The following DLC1 variants were observed in gnomAD, a reference collection of about 807,000 sequenced individuals.
DLC1 encodes DLC1 Rho GTPase activating protein.
A neutral mutation model predicts 140.3 loss-of-function variants in DLC1; 54 were observed. The observed-to-expected ratio is 0.38, with a 90% CI of 0.31 to 0.48. The LOEUF is 0.48. DLC1 is among the 20% of genes least tolerant of loss of function. DLC1 has a pLI of 0.96. For missense variants in DLC1, 2,536 were observed against 1,907.0 expected, an observed-to-expected ratio of 1.33 and a Z score of -6.14; for synonymous variants, 986 against 728.1, an observed-to-expected ratio of 1.35 and a Z score of -5.70.
intron 5 of DLC1, among the ~76,000 whole-genome samples, chr8:13,263,665 A>G (rs558813428): frequency 8.6e-5 from 13 of 151,428 alleles, no homozygotes; most frequent in Admixed American, 7.9e-4. Flanking sequence ...AAAAATATGT[A>G]AACTTGACTT....
intron 5 of DLC1, among the ~76,000 whole-genome samples, chr8:13,137,825 T>C (rs747479280): frequency 5.9e-5 from 9 of 151,860 alleles, no homozygotes; most frequent in Non-Finnish European, 8.8e-5. Flanking sequence ...CTCGAACTCC[T>C]GATCTCAGCT....
chr8:13,359,486 T>A (rs528604828), intron 4 of DLC1, among the ~76,000 whole-genome samples: 2 of 152,104 alleles, frequency 1.3e-5, no homozygotes, highest in Admixed American at 6.5e-5. Context: ...TTGAGGTTAG[T>A]GGGAATCTTG....
At position 13,423,912 on chromosome 8, in the gene DLC1, C is replaced by T. The variant is rs151314673; in HGVS notation, c.1024-22293G>A. 5.6e-4 allele frequency among the ~76,000 whole-genome samples: 85 copies of T among 152,102 alleles called. 1 individual carries two copies. The East Asian group carries it at 0.011, about 20-fold the overall frequency. ...CCATTACAGACTCAGAAGGCCCATC[C>T]GAGGGGAAAATAAGAATTATGATCT... On this transcript the variant is annotated intron_variant, in intron 2 of 17. Coordinates refer to ENST00000276297, the MANE Select transcript of DLC1 (RefSeq NM_182643.3).
chr8:13,284,136 G>C (rs1171326545), intron 5 of DLC1, among the ~76,000 whole-genome samples: 2 of 152,196 alleles, frequency 1.3e-5, no homozygotes, highest in Non-Finnish European at 2.9e-5. Context: ...CGGAGCATTA[G>C]ATATAATCCC....
intron 2 of DLC1, among the ~76,000 whole-genome samples, chr8:13,496,128 T>C (rs1021325615): frequency 6.6e-6 from 1 of 152,210 alleles, no homozygotes; most frequent in African/African-American, 2.4e-5. Context: ...TGCCACTGCA[T>C]TCCCTACAGA....
intron 2 of DLC1, among the ~76,000 whole-genome samples, chr8:13,492,491 ACTCT>A (rs1352822282): frequency 2.0e-4 from 1 of 5,100 alleles, no homozygotes; most frequent in Admixed American, 1.0e-3. Flanking sequence ...TCTATCACTT[ACTCT>A]CTCTGTCTCT....
At chr8:13,183,952 T>A (rs1171376752) in intron 5 of DLC1, among the ~76,000 whole-genome samples, 1 of 152,200 alleles carries the variant, frequency 6.6e-6, no homozygotes, top group African/African-American at 2.4e-5. Flanking sequence ...TCCTGGACTT[T>A]TTTTGGAAAG....
At chr8:13,189,869 C>G (rs549553931) in intron 5 of DLC1, among the ~76,000 whole-genome samples, 1 of 130,462 alleles carries the variant, frequency 7.7e-6, no homozygotes, top group Non-Finnish European at 1.7e-5. Context: ...GCAACAAGAG[C>G]GAAACTCCAT....
chr8:13,286,739 A>G lies in DLC1; in HGVS notation c.1348+18530T>C, dbSNP rs912271716. Among the ~76,000 whole-genome samples the G allele has an allele frequency of 6.6e-5, 10 of 151,962 alleles. No homozygotes were observed. The South Asian group carries it at 1.9e-3, about 28-fold the overall frequency. ...ATAGGAAAAAAAATAGAAAAAAAAA[A>G]AAACACATGAAAAAAGTGAAACTCT... On this transcript the variant is annotated intron_variant, in intron 5 of 17. Transcript: ENST00000276297.
intron 4 of DLC1, among the ~76,000 whole-genome samples, chr8:13,322,784 G>A (rs1586136430): frequency 1.3e-5 from 2 of 152,200 alleles, no homozygotes; most frequent in African/African-American, 4.8e-5. Flanking sequence ...GCTATGATGA[G>A]TTTTAAATGT....
chr8:13,506,558 C>CAG (rs1473070887), intron 1 of DLC1, among the ~76,000 whole-genome samples: 37 of 141,490 alleles, frequency 2.6e-4, no homozygotes, highest in African/African-American at 9.6e-4. Context: ...CACACACACA[C>CAG]ACACACACAT....
intron 1 of DLC1, chr8:13,567,779 A>G: frequency 6.4e-7 from 1 of 1,551,966 alleles, no homozygotes; most frequent in Non-Finnish European, 8.7e-7. Flanking sequence ...ATAATCTGGA[A>G]AAGACTGACT....
intron 3 of DLC1, among the ~76,000 whole-genome samples, chr8:13,395,034 C>CTATCTATCTATCTATCTATCATCT (rs1554511814): frequency 8.5e-6 from 1 of 117,400 alleles, no homozygotes; most frequent in Non-Finnish European, 2.0e-5. Context: ...ATCTATCTAT[C>CTATCTATCTATCTATCTATCATCT]ATCTATCTAT....
At chr8:13,331,156 AC>A (rs1833569935) in intron 4 of DLC1, among the ~76,000 whole-genome samples, 1 of 152,202 alleles carries the variant, frequency 6.6e-6, no homozygotes, top group Non-Finnish European at 1.5e-5. Context: ...CAGTGGTTTT[AC>A]TGGGACACTA....
At chr8:13,376,119 A>T (rs1835971618) in intron 4 of DLC1, among the ~76,000 whole-genome samples, 1 of 152,226 alleles carries the variant, frequency 6.6e-6, no homozygotes. Flanking sequence ...CTAGCTGAAG[A>T]AAATGGTTTG....
chr8:13,574,143 C>G lies in DLC1; in HGVS notation c.-126+30394G>C, dbSNP rs114698351. ...TTTCTGTAATTTTACTCTTACCTCT[C>G]CAGGGGTTGCATTTCCTTTCAGCAT... On this transcript the variant is annotated intron_variant, in intron 1 of 1. Coordinates refer to the DLC1 transcript ENST00000631382. Among the ~76,000 whole-genome samples the G allele has an allele frequency of 3.2e-3, 488 of 152,262 alleles. 3 individuals carry two copies. Among genetic ancestry groups the G allele is most frequent in the African/African-American group, 0.011 (456 of 41,560 alleles).
intron 5 of DLC1, among the ~76,000 whole-genome samples, chr8:13,260,355 C>G (rs999117879): frequency 6.6e-6 from 1 of 152,000 alleles, no homozygotes; most frequent in African/African-American, 2.4e-5. Flanking sequence ...GGTTGTAGAA[C>G]TAAAAAGGAA....
chr8:13,153,847 GAC>G (rs1463594547), intron 5 of DLC1, among the ~76,000 whole-genome samples: 1 of 152,104 alleles, frequency 6.6e-6, no homozygotes, highest in Admixed American at 6.5e-5. Context: ...CCTTGAGCTA[GAC>G]ACAGAGTGCT....
intron 4 of DLC1, among the ~76,000 whole-genome samples, chr8:13,332,137 C>A (rs759961881): frequency 6.6e-6 from 1 of 152,092 alleles, no homozygotes; most frequent in Non-Finnish European, 1.5e-5. Context: ...TTCTTAATGC[C>A]CCTTTAAATT....
Sources: allele counts gnomAD v4.1 joint callset (sites outside exome capture counted in the v4.1 genomes callset), GRCh38; gene constraint gnomAD v4.1.1; transcripts MANE v1.5; gene names NCBI Gene and HGNC (gene_info 2026-07-23, HGNC 2026-07-21).